The following PPP2R3B variants were observed in gnomAD, a reference collection of about 807,000 sequenced individuals.
PPP2R3B encodes the protein serine/threonine-protein phosphatase 2A regulatory subunit B'' subunit beta.
PPP2R3B carries 68 observed loss-of-function variants against 72.9 expected under a neutral mutation model. The observed-to-expected ratio is 0.93, with a 90% CI of 0.77 to 1.14. The LOEUF is 1.14. Ranked by LOEUF, PPP2R3B falls within the 50% of genes most tolerant of loss-of-function variation. The pLI is 0.00. For synonymous variants in PPP2R3B, 466 were observed against 375.8 expected, an observed-to-expected ratio of 1.24 and a Z score of -2.78; for missense variants, 1,018 against 842.0, an observed-to-expected ratio of 1.21 and a Z score of -2.59.
Position 361,508 on chromosome X carries a change from T to C in PPP2R3B, c.407A>G (p.Gln136Arg). Residue 136 changes from glutamine to arginine, a missense_variant, in exon 2 of 13, where the codon CAG (glutamine) becomes CGG (arginine). Transcript: ENST00000390665. Reference protein sequence around the residue: ...PTFYFPRGRPQDSVNVDAVIS... With the variant: ...PTFYFPRGRPRDSVNVDAVIS... Reference sequence around the variant, plus strand: ...GACGGCATCCACGTTGACGGAGTCCTGCGGGCGTCCTCTGGGGAAGTAGAA... The same window carrying C: ...GACGGCATCCACGTTGACGGAGTCCCGCGGGCGTCCTCTGGGGAAGTAGAA... 6.2e-7 allele frequency: 1 copy of C among 1,614,006 alleles called. No homozygotes were observed.
At position 386,379 on chromosome X, in the gene PPP2R3B, C is replaced by T; in HGVS notation, c.313G>A (p.Gly105Arg). 1.5e-6 allele frequency: 2 copies of T among 1,318,722 alleles called. No individual in the cohort carries two copies. Among genetic ancestry groups the T allele is most frequent in the Non-Finnish European group, 1.9e-6 (2 of 1,027,984 alleles). The allele number at this position is 1,318,722 out of a possible 1,614,324, so 81.7% of individuals were successfully genotyped here. The part of the protein sequence containing the change: ...PHVRGTRRSA[G>R]TRVVQTRKEE... ...GAAGAGTAACTTACTACTCTCGTCCCTGCGGATCTACGGGTGCCTCGAACG... is the reference window on the plus strand; with the variant it reads ...GAAGAGTAACTTACTACTCTCGTCCTTGCGGATCTACGGGTGCCTCGAACG... The change falls in exon 1 of 13, where the codon GGG becomes AGG. Residue 105 changes from glycine (G) to arginine (R), a missense_variant. Transcript: ENST00000390665.
At chrX:374,189 G>C (rs917362610) in intron 1 of PPP2R3B, 3 of 152,256 alleles carry the variant, frequency 2.0e-5, no homozygotes, top group Non-Finnish European at 4.4e-5. Flanking sequence ...CGGCCTCGGG[G>C]ACCCAGGCGA....
chrX:355,128 A>G (rs2071411149), intron 2 of PPP2R3B, among the ~76,000 whole-genome samples: 1 of 152,012 alleles, frequency 6.6e-6, no homozygotes, highest in Non-Finnish European at 1.5e-5. Context: ...CCGGACTTAA[A>G]GGTTGAGCTG....
intron 2 of PPP2R3B, among the ~76,000 whole-genome samples, chrX:361,049 G>T (rs1179581360): frequency 6.6e-6 from 1 of 152,220 alleles, no homozygotes; most frequent in African/African-American, 2.4e-5. Flanking sequence ...GTGCAGAACG[G>T]CCTCCGAGAG....
At position 338,432 on chromosome X, in the gene PPP2R3B, C is replaced by A. The variant is rs756341772; in HGVS notation, c.1577+172G>T. The A allele has an allele frequency of 6.4e-4, 434 of 680,522 alleles. 2 individuals are homozygous for A. In the African/African-American group the frequency reaches 7.2e-3, roughly 11 times the overall value. The allele number at this position is 680,522 out of a possible 1,614,324, so 42.2% of individuals were successfully genotyped here. A position where few individuals can be genotyped will look rare whatever the true frequency, so the allele number is the denominator to read the frequency against. On this transcript the variant is annotated intron_variant, in intron 12 of 12. Coordinates refer to ENST00000390665, the MANE Select transcript of PPP2R3B (RefSeq NM_013239.5). ...CCGGCCCTGTCATCGGCTGTCCTTA[C>A]CTCACCGGCCCCGTGTCAGGTCTCA...
intron 8 of PPP2R3B, 173 bp downstream of exon 8, chrX:341,710 C>T: frequency 3.2e-6 from 1 of 307,990 alleles, no homozygotes; most frequent in Non-Finnish European, 5.8e-6. Flanking sequence ...TCTTGTGCCA[C>T]CCCCCCCCAC....
At chrX:346,624 C>T (rs1180913259) in intron 5 of PPP2R3B, 77 bp downstream of exon 5, 2 of 1,411,886 alleles carry the variant, frequency 1.4e-6, no homozygotes, top group South Asian at 1.2e-5. Context: ...GCCCCGTCCG[C>T]AGAAGCCCCG....
chrX:341,744 C>T, intron 8 of PPP2R3B, 139 bp downstream of exon 8: 4 of 932,478 alleles, frequency 4.3e-6, no homozygotes, highest in South Asian at 2.7e-5. Context: ...GACAGAGACA[C>T]GTGCCCCCCT....
intron 10 of PPP2R3B, among the ~76,000 whole-genome samples, chrX:339,359 G>A (rs1236505117): frequency 1.6e-5 from 2 of 124,304 alleles, no homozygotes; most frequent in Admixed American, 8.1e-5. Context: ...AGATGCAGAA[G>A]GAAGCCAGGC....
At chrX:359,468 G>A (rs2738319) in intron 2 of PPP2R3B, among the ~76,000 whole-genome samples, 20,469 of 152,120 alleles carry the variant, frequency 0.13, 1,803 homozygotes, top group Admixed American at 0.22. Context: ...GGTGTTTTAA[G>A]TTACAGCATA....
chrX:349,734 C>T (rs914537958), intron 2 of PPP2R3B, among the ~76,000 whole-genome samples: 17 of 152,166 alleles, frequency 1.1e-4, no homozygotes, highest in African/African-American at 4.1e-4. Context: ...ATAAAATCTT[C>T]AATAATGCCA....
Position 341,326 on chromosome X carries a change from C to G in PPP2R3B, c.1156G>C (p.Asp386His). 1.9e-6 allele frequency: 3 copies of G among 1,612,032 alleles called. No individual in the cohort carries two copies. Among genetic ancestry groups the G allele is most frequent in the Non-Finnish European group, 2.5e-6 (3 of 1,179,516 alleles). ...DFVWFLISEE[D>H]KKTPTSIEYW... Reference sequence around the variant, plus strand: ...ACCCACCTGGTCGGTGTTTTTTTGTCTTCCTCAGAGATCAAAAACCAGACA... The same window carrying G: ...ACCCACCTGGTCGGTGTTTTTTTGTGTTCCTCAGAGATCAAAAACCAGACA... The change falls in exon 9 of 13, where the codon GAC (aspartate) becomes CAC (histidine). Residue 386 changes from aspartate (D) to histidine (H), a missense_variant. By Grantham distance (81) the Asp-to-His change is moderately conservative. Transcript: ENST00000390665.
intron 7 of PPP2R3B, among the ~76,000 whole-genome samples, chrX:344,392 C>A (rs1361911540): frequency 6.6e-6 from 1 of 152,234 alleles, no homozygotes; most frequent in East Asian, 1.9e-4. Context: ...ACGAGAAGGT[C>A]CCGCAGCCTG....
chrX:363,373 C>A (rs1477757239), intron 1 of PPP2R3B, among the ~76,000 whole-genome samples: 3 of 1,068 alleles, frequency 2.8e-3, no homozygotes, highest in Admixed American at 9.8e-3. Context: ...CCGAGCCCAC[C>A]ATCCCACAGT....
intron 2 of PPP2R3B, among the ~76,000 whole-genome samples, chrX:355,425 T>G (rs1476337473): frequency 6.6e-6 from 1 of 152,220 alleles, no homozygotes. Flanking sequence ...CAAGTTCATC[T>G]GGAGTCAACA....
At chrX:368,461 G>A (rs1434476037) in intron 1 of PPP2R3B, among the ~76,000 whole-genome samples, 2 of 108,334 alleles carry the variant, frequency 1.8e-5, no homozygotes, top group African/African-American at 8.1e-5. Context: ...GGGGAAGGCC[G>A]GGACCACCCA....
chrX:349,221 G>T lies in PPP2R3B; in HGVS notation c.511-1528C>A, dbSNP rs138338227. Among the ~76,000 whole-genome samples the T allele has an allele frequency of 6.7e-3, 1,027 of 152,186 alleles. 2 individuals are homozygous for T. The highest frequency in any genetic ancestry group is 0.027 in the Middle Eastern group (8 of 294). ...ATGAGTCCCCTTCTGAGGGACCCCA[G>T]AGAGCTCCCTCACCCCTTCCACCCC... is the stretch of plus-strand genomic sequence containing the variant. On this transcript the variant is annotated intron_variant, in intron 2 of 12. Coordinates refer to ENST00000390665, the MANE Select transcript of PPP2R3B (RefSeq NM_013239.5).
intron 6 of PPP2R3B, 96 bp downstream of exon 6, chrX:346,076 GGA>G (rs1173254423): frequency 4.0e-5 from 20 of 498,982 alleles, no homozygotes; most frequent in East Asian, 7.5e-5. Flanking sequence ...AGAGGGGGTG[GGA>G]GGGGAGGAGG....
chrX:386,849 G>C lies in PPP2R3B; in HGVS notation c.-158C>G. 3.7e-6 allele frequency: 1 copy of C among 268,214 alleles called. No homozygotes were observed. Among genetic ancestry groups the C allele is most frequent in the Non-Finnish European group, 6.4e-6 (1 of 157,324 alleles). 16.6% of individuals were successfully genotyped at this position (268,214 alleles called of 1,614,324 possible). ...CGCGCCTCGGGAACTGCGCGGACTCGCGGGGCGCGGGGACCGAGGAGGGGG... is the reference window on the plus strand; with the variant it reads ...CGCGCCTCGGGAACTGCGCGGACTCCCGGGGCGCGGGGACCGAGGAGGGGG... On this transcript the variant is annotated 5_prime_UTR_variant, in exon 1 of 13. Coordinates refer to ENST00000390665, the MANE Select transcript of PPP2R3B (RefSeq NM_013239.5).
Sources: gnomAD v4.1 joint callset for allele counts (sites outside exome capture counted in the v4.1 genomes callset) on GRCh38, gnomAD v4.1.1 for gene constraint, MANE v1.5 for transcripts, NCBI Gene and HGNC (gene_info 2026-07-23, HGNC 2026-07-21) for gene names.